Variants in BAIAP2 observed in about 807,000 individuals in gnomAD.
The protein encoded by BAIAP2 is BAR/IMD domain containing adaptor protein 2, also known as BAR/IMD domain-containing adapter protein 2.
In BAIAP2, 18 loss-of-function variants were observed where a neutral mutation model predicts 63.0. The ratio of observed to expected loss-of-function variants is 0.29; its 90% CI spans 0.20 to 0.42. The LOEUF (loss-of-function observed/expected upper bound fraction) is 0.42, where lower values mean the gene tolerates loss of function less well. BAIAP2 is among the 10% of genes least tolerant of loss of function. The pLI, the probability that BAIAP2 is intolerant of heterozygous loss-of-function variation, is 1.00. For synonymous variants in BAIAP2, 386 were observed against 307.6 expected (o/e 1.25, Z -2.67); for missense variants, 610 against 734.3 (o/e 0.83, Z 1.96).
At chr17:81,078,530 C>T (rs1278805778) in intron 3 of BAIAP2, among the ~76,000 whole-genome samples, 5 of 135,824 alleles carry the variant, frequency 3.7e-5, no homozygotes, top group African/African-American at 8.6e-5. Flanking sequence ...GTGCGGGTGC[C>T]GTATTGGGTG....
intron 3 of BAIAP2, among the ~76,000 whole-genome samples, chr17:81,067,997 G>A (rs529519395): frequency 1.7e-4 from 26 of 152,376 alleles, no homozygotes; most frequent in Middle Eastern, 3.4e-3. Flanking sequence ...AGTGTTGGCC[G>A]CAGGCCGAGG....
rs373484769 is a variant in BAIAP2 at position 81,099,275 on chromosome 17, A to C, written c.490-653A>C. Among the ~76,000 whole-genome samples, 523 of 151,042 alleles carry C rather than the reference A, an allele frequency of 3.5e-3. 8 individuals carry two copies. The South Asian group carries it at 0.04, about 11-fold the overall frequency. Reference sequence around the variant, plus strand: ...GTGCACGCTTATCCGGAAACCAGGCAGCCAGGTGTCTTAGCGTCCCGCTCC... The same window carrying C: ...GTGCACGCTTATCCGGAAACCAGGCCGCCAGGTGTCTTAGCGTCCCGCTCC... On this transcript the variant is annotated intron_variant, in intron 6 of 13. Transcript: ENST00000428708.
At chr17:81,102,619 C>T (rs993942019) in intron 7 of BAIAP2, among the ~76,000 whole-genome samples, 6 of 152,210 alleles carry the variant, frequency 3.9e-5, no homozygotes, top group African/African-American at 1.4e-4. Context: ...GAGCCAGCAG[C>T]AGAGGGGTAG....
chr17:81,057,693 T>G, intron 2 of BAIAP2, 188 bp from the exon 3 acceptor site: 1 of 1,379,176 alleles, frequency 7.3e-7, no homozygotes, highest in South Asian at 1.9e-5. Context: ...ATGATTGGGG[T>G]GAAACAAGAA....
chr17:81,096,383 C>T (rs1254235528), intron 6 of BAIAP2, among the ~76,000 whole-genome samples: 1 of 152,218 alleles, frequency 6.6e-6, no homozygotes, highest in Non-Finnish European at 1.5e-5. Context: ...TGAGGCTGCC[C>T]CACTTAAGGG....
intron 4 of BAIAP2, 131 bp from the exon 5 acceptor site, chr17:81,085,523 G>T: frequency 1.3e-6 from 1 of 753,674 alleles, no homozygotes; most frequent in Non-Finnish European, 2.3e-6. Context: ...CATCAGTCAG[G>T]GGGAGGGGGC....
At chr17:81,054,405 G>A (rs183929489) in intron 2 of BAIAP2, among the ~76,000 whole-genome samples, 23 of 152,324 alleles carry the variant, frequency 1.5e-4, no homozygotes, top group African/African-American at 5.3e-4. Flanking sequence ...CTGGTCAGGA[G>A]CGAAAGGAGG....
rs9894246 is a variant in BAIAP2 at position 81,053,854 on chromosome 17, G to A, written c.130+111G>A. 1,356 of 597,344 alleles carry A rather than the reference G, an allele frequency of 2.3e-3. 1 individual carries two copies. The African/African-American group carries it at 0.025, about 11-fold the overall frequency. The allele number at this position is 597,344 out of a possible 1,614,324, so 37.0% of individuals were successfully genotyped here. A position where few individuals can be genotyped will look rare whatever the true frequency, so the allele number is the denominator to read the frequency against. On this transcript the variant is annotated intron_variant, in intron 2 of 13. Coordinates refer to ENST00000428708, the MANE Select transcript of BAIAP2 (RefSeq NM_001144888.2). ...CTCCTGAGCTGGTAGAACTGTGCCC[G>A]GGCCCCGTGGGGTGGGAGCTGCCTC... is the stretch of plus-strand genomic sequence containing the variant.
chr17:81,110,842 T>TCCCCCCTCCTCTGCA, intron 13 of BAIAP2: 1 of 1,587,738 alleles, frequency 6.3e-7, no homozygotes, highest in Non-Finnish European at 8.6e-7. Context: ...TCGCCCGTGG[T>TCCCCCCTCCTCTGCA]CCCCCCTCCT....
At chr17:81,062,098 A>C (rs1394414889) in intron 3 of BAIAP2, among the ~76,000 whole-genome samples, 1 of 151,952 alleles carries the variant, frequency 6.6e-6, no homozygotes, top group Non-Finnish European at 1.5e-5. Flanking sequence ...ACCGGCCACC[A>C]CACCCGCCTA....
At chr17:81,040,442 G>A (rs2046923331) in intron 1 of BAIAP2, among the ~76,000 whole-genome samples, 1 of 152,256 alleles carries the variant, frequency 6.6e-6, no homozygotes, top group Non-Finnish European at 1.5e-5. Flanking sequence ...GGCTGTGCCT[G>A]TACAGCTGCA....
rs561278918 is a variant in BAIAP2, at chr17:81,116,562, C to T, written c.*723C>T. ...CAAAGGCCAGCTGTCAGGTGCTATG[C>T]GGGGTCACCAGCAGAGTGCCCGCTG... On this transcript the variant is annotated 3_prime_UTR_variant, in exon 14 of 14. Coordinates refer to ENST00000428708, the MANE Select transcript of BAIAP2 (RefSeq NM_001144888.2). 6.1e-5 allele frequency: 33 copies of T among 538,802 alleles called. No individual in the cohort carries two copies. Among genetic ancestry groups the T allele is most frequent in the Middle Eastern group, 5.0e-4 (1 of 1,982 alleles). The allele number at this position is 538,802 out of a possible 1,614,324, so 33.4% of individuals were successfully genotyped here. A position where few individuals can be genotyped will look rare whatever the true frequency, so the allele number is the denominator to read the frequency against.
Position 81,065,309 on chromosome 17 carries a change from C to T in BAIAP2, c.217+7342C>T, listed in dbSNP as rs538872387. Among the ~76,000 whole-genome samples the T allele has an allele frequency of 1.8e-3, 280 of 152,302 alleles. 3 individuals carry two copies. The highest frequency in any genetic ancestry group is 5.4e-3 in the South Asian group (26 of 4,820). ...AGAAGCAGTGCTGTGCCCGTCCCGG[C>T]CCCCTGCAGGGGTCCAGGGTCCTGA... On this transcript the variant is annotated intron_variant, in intron 3 of 13. Transcript: ENST00000428708.
At chr17:81,089,631 G>A (rs529457777) in intron 6 of BAIAP2, among the ~76,000 whole-genome samples, 2 of 152,190 alleles carry the variant, frequency 1.3e-5, no homozygotes, top group East Asian at 3.9e-4. Flanking sequence ...AGGAGGGCAG[G>A]CGGAGGGGGA....
chr17:81,074,457 AGT>A (rs948504396), intron 3 of BAIAP2, among the ~76,000 whole-genome samples: 5 of 143,298 alleles, frequency 3.5e-5, no homozygotes, highest in African/African-American at 1.3e-4. Context: ...TGTGAGTGCC[AGT>A]GTGTGTGCAT....
intron 3 of BAIAP2, among the ~76,000 whole-genome samples, chr17:81,081,634 C>T (rs886487527): frequency 5.9e-5 from 9 of 152,216 alleles, no homozygotes; most frequent in South Asian, 2.1e-4. Flanking sequence ...GATCCCTTCC[C>T]TGCACACCTT....
intron 7 of BAIAP2, among the ~76,000 whole-genome samples, chr17:81,100,708 C>T (rs1028240458): frequency 1.3e-5 from 2 of 152,180 alleles, no homozygotes; most frequent in African/African-American, 4.8e-5. Context: ...CCACCCCTCA[C>T]CCAACCCAAA....
chr17:81,068,026 C>G (rs2051830700), intron 3 of BAIAP2, among the ~76,000 whole-genome samples: 1 of 152,238 alleles, frequency 6.6e-6, no homozygotes, highest in South Asian at 2.1e-4. Flanking sequence ...GGCACAGGTG[C>G]CGGCTCAGGA....
chr17:81,056,774 C>G (rs2144265455), intron 2 of BAIAP2, among the ~76,000 whole-genome samples: 1 of 152,358 alleles, frequency 6.6e-6, no homozygotes, highest in South Asian at 2.1e-4. Flanking sequence ...TTAGCCGCAG[C>G]CAGCCGCCCT....
Sources: allele counts gnomAD v4.1 joint callset (sites outside exome capture counted in the v4.1 genomes callset), GRCh38; gene constraint gnomAD v4.1.1; transcripts MANE v1.5; gene names NCBI Gene and HGNC (gene_info 2026-07-23, HGNC 2026-07-21).